IL1RAP: variants seen among roughly 807,000 people sequenced by gnomAD.
The protein encoded by IL1RAP is interleukin 1 receptor accessory protein.
Under a neutral mutation model 60.7 loss-of-function variants are expected in IL1RAP, and 35 were observed. That is an observed-to-expected ratio of 0.58 (90% CI 0.44 to 0.76). The LOEUF is 0.76. Among genes scored for constraint, IL1RAP ranks in the 30% least tolerant of loss-of-function variants. IL1RAP has a pLI of 0.00. For synonymous variants in IL1RAP, 268 were observed against 250.9 expected, an observed-to-expected ratio of 1.07 and a Z score of -0.64; for missense variants, 572 against 693.9, an observed-to-expected ratio of 0.82 and a Z score of 1.97.
chr3:190,629,094 G>C (rs1732555450), intron 8 of IL1RAP, among the ~76,000 whole-genome samples: 1 of 152,218 alleles, frequency 6.6e-6, no homozygotes, highest in Admixed American at 6.5e-5. Context: ...GTTTTGAAGA[G>C]AGATCTATAA....
In IL1RAP at chr3:190,562,694, C is replaced by CCATACACA. The variant is rs368495405; in HGVS notation, c.-1-1593_-1-1592insTACACACA. ...TTGCCTGTATCAAAACATATCTCGT[C>CCATACACA]CACACACACACACACACACACACAC... On this transcript the variant is annotated intron_variant, in intron 2 of 11. Transcript: ENST00000447382. Among the ~76,000 whole-genome samples, 100 of 146,636 alleles carry CCATACACA rather than the reference C, an allele frequency of 6.8e-4. No individual in the cohort carries two copies. In the East Asian group the frequency reaches 9.1e-3, roughly 13 times the overall value.
chr3:190,621,088 C>G (rs1731736517), intron 6 of IL1RAP, among the ~76,000 whole-genome samples: 2 of 152,178 alleles, frequency 1.3e-5, no homozygotes, highest in South Asian at 4.1e-4. Flanking sequence ...GGATATATGG[C>G]TTTTGGGGAT....
At chr3:190,615,248 A>G (rs1048391308) in intron 5 of IL1RAP, 16 of 1,034,196 alleles carry the variant, frequency 1.5e-5, no homozygotes, top group East Asian at 5.9e-5. Context: ...CAGAATTTCA[A>G]ACAGCTGGCT....
Position 190,649,692 on chromosome 3 carries a change from G to T in IL1RAP, c.*987G>T. On this transcript the variant is annotated 3_prime_UTR_variant, in exon 12 of 12. Transcript: ENST00000447382. ...TTTTGTTGCTCCATTGTAAAGGGCG[G>T]AGGTCAGTCTTAGTGGCCTTGAGAG... 1 of 985,834 alleles carries T rather than the reference G, an allele frequency of 1.0e-6. No homozygotes were observed. Among genetic ancestry groups the T allele is most frequent in the Non-Finnish European group, 1.2e-6 (1 of 829,918 alleles). 61.1% of individuals were successfully genotyped at this position (985,834 alleles called of 1,614,324 possible). A position where few individuals can be genotyped will look rare whatever the true frequency, so the allele number is the denominator to read the frequency against.
At chr3:190,640,847 A>G (rs552459255) in intron 9 of IL1RAP, among the ~76,000 whole-genome samples, 9 of 152,362 alleles carry the variant, frequency 5.9e-5, no homozygotes, top group South Asian at 2.1e-4. Context: ...ACAACCATCA[A>G]GGAGCTAAAT....
At chr3:190,643,526 C>T (rs1733806114) in intron 9 of IL1RAP, among the ~76,000 whole-genome samples, 1 of 138,814 alleles carries the variant, frequency 7.2e-6, no homozygotes, top group African/African-American at 3.2e-5. Flanking sequence ...TGCAAAGGTG[C>T]CTAAAATATA....
chr3:190,657,729 TC>T (rs1734659673), exon 12 of IL1RAP: 1 of 152,210 alleles, frequency 6.6e-6, no homozygotes, highest in Non-Finnish European at 1.5e-5. Flanking sequence ...TCATTGGCCC[TC>T]TAAGCAACTG....
At chr3:190,597,121 A>T (rs1389156602) in intron 3 of IL1RAP, among the ~76,000 whole-genome samples, 1 of 152,176 alleles carries the variant, frequency 6.6e-6, no homozygotes, top group Non-Finnish European at 1.5e-5. Flanking sequence ...CATGTAAGGG[A>T]GATACATGGC....
chr3:190,654,151 C>G (rs1281494630), downstream of IL1RAP, among the ~76,000 whole-genome samples: 5 of 150,330 alleles, frequency 3.3e-5, no homozygotes, highest in Admixed American at 3.3e-4. Flanking sequence ...CAAAAACATA[C>G]ATTTTCCTAA....
intron 1 of IL1RAP, among the ~76,000 whole-genome samples, chr3:190,528,517 A>G (rs1016556484): frequency 1.3e-5 from 2 of 152,236 alleles, no homozygotes; most frequent in African/African-American, 2.4e-5. Context: ...GTTAATAAAA[A>G]GGGAGGCTTG....
At chr3:190,640,957 TTTTTTA>T (rs558834388) in intron 9 of IL1RAP, among the ~76,000 whole-genome samples, 358 of 152,108 alleles carry the variant, frequency 2.4e-3, no homozygotes, top group African/African-American at 7.9e-3. Context: ...AGGAAATTCT[TTTTTTA>T]TTTTTATTTT....
At chr3:190,617,567 C>G (rs1398130897) in intron 5 of IL1RAP, among the ~76,000 whole-genome samples, 1 of 152,176 alleles carries the variant, frequency 6.6e-6, no homozygotes, top group Non-Finnish European at 1.5e-5. Context: ...TGTGGAAATT[C>G]ACTTACTGTT....
chr3:190,522,424 T>TATCTATCTATCC (rs1560135957), intron 1 of IL1RAP, among the ~76,000 whole-genome samples: 2 of 59,486 alleles, frequency 3.4e-5, no homozygotes, highest in East Asian at 2.2e-3. Flanking sequence ...TCTATGTATC[T>TATCTATCTATCC]ATCTATCTAT....
intron 1 of IL1RAP, among the ~76,000 whole-genome samples, chr3:190,514,749 C>G (rs1721357281): frequency 6.6e-6 from 1 of 152,222 alleles, no homozygotes. Flanking sequence ...CAGAGGGTGT[C>G]GGACCAGCTT....
chr3:190,560,364 A>G (rs1288399257), intron 2 of IL1RAP, among the ~76,000 whole-genome samples: 1 of 152,226 alleles, frequency 6.6e-6, no homozygotes, highest in Non-Finnish European at 1.5e-5. Flanking sequence ...CGTAGTTTTC[A>G]GTGGGCAGGT....
At chr3:190,592,106 GC>G (rs972914894) in intron 3 of IL1RAP, among the ~76,000 whole-genome samples, 9 of 152,154 alleles carry the variant, frequency 5.9e-5, no homozygotes, top group Non-Finnish European at 1.0e-4. Flanking sequence ...TGAAACATCT[GC>G]CTCCCGGGGT....
rs1473861124 is a variant in IL1RAP at position 190,651,417 on chromosome 3, C to A, written c.*2712C>A. 1.5e-6 allele frequency: 1 copy of A among 673,724 alleles called. No individual in the cohort carries two copies. Among genetic ancestry groups the A allele is most frequent in the Non-Finnish European group, 1.8e-6 (1 of 545,966 alleles). 41.7% of individuals were successfully genotyped at this position (673,724 alleles called of 1,614,324 possible). ...ATAGGTTTTAATATTTTGAGAGTGT[C>A]TTTTTTATTTCATTCATGAACTTTT... On this transcript the variant is annotated 3_prime_UTR_variant, in exon 12 of 12. Coordinates refer to ENST00000447382, the MANE Select transcript of IL1RAP (RefSeq NM_002182.4).
chr3:190,649,202 G>A lies in IL1RAP; in HGVS notation c.*497G>A. The A allele has an allele frequency of 2.0e-6, 2 of 986,926 alleles. No homozygotes were observed. The highest frequency in any genetic ancestry group is 1.7e-5 in the African/African-American group (1 of 57,352). 61.1% of individuals were successfully genotyped at this position (986,926 alleles called of 1,614,324 possible). A position where few individuals can be genotyped will look rare whatever the true frequency, so the allele number is the denominator to read the frequency against. ...AATGAACTTTTTTCCTCATTCGGCTGTATAATACATAACCACAGCAAGACT... is the reference window on the plus strand; with the variant it reads ...AATGAACTTTTTTCCTCATTCGGCTATATAATACATAACCACAGCAAGACT... On this transcript the variant is annotated 3_prime_UTR_variant, in exon 12 of 12. Transcript: ENST00000447382.
At chr3:190,514,371 C>G (rs956120307) in intron 1 of IL1RAP, among the ~76,000 whole-genome samples, 152 bp downstream of exon 1, 1 of 152,212 alleles carries the variant, frequency 6.6e-6, no homozygotes, top group Non-Finnish European at 1.5e-5. Context: ...ATAGGTCATA[C>G]TGCTAGTTAG....
Sources: allele counts gnomAD v4.1 joint callset (sites outside exome capture counted in the v4.1 genomes callset), GRCh38; gene constraint gnomAD v4.1.1; transcripts MANE v1.5; gene names NCBI Gene and HGNC (gene_info 2026-07-23, HGNC 2026-07-21).